Variants in PCDHGA2 observed in about 807,000 individuals in gnomAD.
PCDHGA2 encodes the protein protocadherin gamma-A2.
In PCDHGA2, 40 loss-of-function variants were observed where a neutral mutation model predicts 59.2. The ratio of observed to expected loss-of-function variants is 0.68; its 90% confidence interval spans 0.52 to 0.88. The LOEUF (loss-of-function observed/expected upper bound fraction) is 0.88. Among genes scored for constraint, PCDHGA2 ranks in the 40% least tolerant of loss-of-function variants. The pLI is 0.00. For missense variants in PCDHGA2, 1,226 were observed against 1,204.0 expected, an observed-to-expected ratio of 1.02 and a Z score of -0.27; for synonymous variants, 560 against 526.0, an observed-to-expected ratio of 1.06 and a Z score of -0.89.
intron 1 of PCDHGA2, chr5:141,403,027 G>C: frequency 1.2e-6 from 2 of 1,614,070 alleles, no homozygotes; most frequent in Non-Finnish European, 1.7e-6. Flanking sequence ...TGCTATGGGA[G>C]GCCAGGGCCA....
At chr5:141,430,635 T>C (rs1561846344) in intron 1 of PCDHGA2, 1 of 881,828 alleles carries the variant, frequency 1.1e-6, no homozygotes, top group African/African-American at 1.7e-5. Context: ...GAACCATCCC[T>C]GGGAGTATGT....
chr5:141,423,497 AG>A (rs1269176785), intron 1 of PCDHGA2: 1 of 1,613,940 alleles, frequency 6.2e-7, no homozygotes, highest in Non-Finnish European at 8.5e-7. Flanking sequence ...TATTCCCACG[AG>A]GTCTCTCTCA....
At chr5:141,362,275 C>A (rs757133043) in intron 1 of PCDHGA2, 3 of 1,613,924 alleles carry the variant, frequency 1.9e-6, no homozygotes, top group African/African-American at 1.3e-5. Flanking sequence ...AATCTCCCTG[C>A]GCCTGCGACT....
rs1208690061 is a variant in PCDHGA2 at position 141,362,188 on chromosome 5, C to G, written c.2424+20793C>G. The G allele has an allele frequency of 1.4e-5, 22 of 1,613,936 alleles. No homozygotes were observed. The East Asian group carries it at 4.9e-4, about 36-fold the overall frequency. ...CGACCGCCGGGAGCCCTCTGACCCC[C>G]AGGCAAAACTGCAGTTTTACCTGGT... is the stretch of plus-strand genomic sequence containing the variant. On this transcript the variant is annotated intron_variant, in intron 1 of 3. Transcript: ENST00000394576.
chr5:141,418,807 G>A (rs1400599346), intron 1 of PCDHGA2: 2 of 1,613,650 alleles, frequency 1.2e-6, no homozygotes, highest in African/African-American at 1.3e-5. Context: ...AAAGATATAC[G>A]ATAAACATAG....
intron 1 of PCDHGA2, chr5:141,355,996 G>C (rs1377286666): frequency 1.2e-6 from 2 of 1,613,764 alleles, no homozygotes; most frequent in Non-Finnish European, 1.7e-6. Flanking sequence ...CACCGTAAAA[G>C]CCACTGATCC....
chr5:141,355,069 G>A (rs1759706745), intron 1 of PCDHGA2: 1 of 1,342,004 alleles, frequency 7.5e-7, no homozygotes, highest in Non-Finnish European at 1.0e-6. Flanking sequence ...GGAGCTTTAT[G>A]AAAGCTTCAA....
At chr5:141,352,570 G>A (rs1390674555) in intron 1 of PCDHGA2, 3 of 1,613,938 alleles carry the variant, frequency 1.9e-6, no homozygotes, top group East Asian at 2.2e-5. Flanking sequence ...CACCGGAAAT[G>A]GCTCCCCCTC....
intron 1 of PCDHGA2, among the ~76,000 whole-genome samples, chr5:141,474,136 G>A (rs1383142266): frequency 1.3e-5 from 2 of 152,056 alleles, no homozygotes; most frequent in East Asian, 3.8e-4. Context: ...AAAACTACAG[G>A]CCTTATTATC....
At position 141,432,727 on chromosome 5, in the gene PCDHGA2, C is replaced by T; in HGVS notation, c.2425-62080C>T. 6.2e-7 allele frequency: 1 copy of T among 1,614,090 alleles called. No individual in the cohort carries two copies. Among genetic ancestry groups the T allele is most frequent in the Non-Finnish European group, 8.5e-7 (1 of 1,179,996 alleles). ...ACCACGGCCAGCCCCCTCTCTCCGC[C>T]ACTGTCACGCTCACCGTGGCCGTGG... On this transcript the variant is annotated intron_variant, in intron 1 of 3. Transcript: ENST00000394576. The surrounding 1 kb of genome is among the most constrained non-coding windows in gnomAD (Gnocchi z 6.0).
In PCDHGA2 at chr5:141,361,700, A is replaced by C; in HGVS notation, c.2424+20305A>C. The C allele has an allele frequency of 3.1e-6, 5 of 1,613,456 alleles. No individual in the cohort carries two copies. Among genetic ancestry groups the C allele is most frequent in the Non-Finnish European group, 4.2e-6 (5 of 1,179,872 alleles). On this transcript the variant is annotated intron_variant, in intron 1 of 3. Transcript: ENST00000394576. ...GTGTTCGCGCAGCGCGCCTTCGATCATGAGCAGCTGCGCGCCTTCGAGCTC... is the reference window on the plus strand; with the variant it reads ...GTGTTCGCGCAGCGCGCCTTCGATCCTGAGCAGCTGCGCGCCTTCGAGCTC...
intron 1 of PCDHGA2, chr5:141,387,783 C>A: frequency 6.8e-7 from 1 of 1,467,932 alleles, no homozygotes; most frequent in Non-Finnish European, 9.1e-7. Context: ...TGAACTGGAA[C>A]TGCAACTAAA....
At chr5:141,400,776 G>GT (rs1167512157) in intron 1 of PCDHGA2, 4 of 557,602 alleles carry the variant, frequency 7.2e-6, no homozygotes, top group Non-Finnish European at 1.3e-5. Flanking sequence ...CATTTGGTGC[G>GT]TTTTTTTGTC....
chr5:141,419,419 C>A (rs767018815), intron 1 of PCDHGA2: 1 of 1,613,384 alleles, frequency 6.2e-7, no homozygotes. Context: ...AGCGCGCCTT[C>A]GACCACGAGC....
intron 1 of PCDHGA2, chr5:141,412,602 T>G (rs1239898248): frequency 6.6e-6 from 1 of 152,188 alleles, no homozygotes; most frequent in African/African-American, 2.4e-5. Flanking sequence ...CTAAATAAAA[T>G]TGGCCTATTC....
chr5:141,381,979 G>T (rs767842302), intron 1 of PCDHGA2, among the ~76,000 whole-genome samples: 1 of 151,486 alleles, frequency 6.6e-6, no homozygotes, highest in African/African-American at 2.4e-5. Context: ...ACAGGCGCGC[G>T]CCACCACGCC....
At chr5:141,403,143 T>A in intron 1 of PCDHGA2, 1 of 1,613,850 alleles carries the variant, frequency 6.2e-7, no homozygotes, top group Non-Finnish European at 8.5e-7. Flanking sequence ...GAGCGCCGAG[T>A]CCGCATCGTC....
chr5:141,352,564 G>A (rs1356070450), intron 1 of PCDHGA2: 4 of 1,613,794 alleles, frequency 2.5e-6, no homozygotes, highest in African/African-American at 1.3e-5. Context: ...ACCTGACACC[G>A]GAAATGGCTC....
Position 141,338,937 on chromosome 5 carries a change from G to A in PCDHGA2, c.-35G>A, listed in dbSNP as rs779240802. ...AGATTGGAATCCGCACTGGATGCTG[G>A]AAGTTGACTCGGAGAAAATTGCGAC... is the stretch of plus-strand genomic sequence containing the variant. On this transcript the variant is annotated 5_prime_UTR_variant, in exon 1 of 4. Transcript: ENST00000394576. 22 of 1,522,400 alleles carry A rather than the reference G, an allele frequency of 1.4e-5. 1 individual carries two copies. The highest frequency in any genetic ancestry group is 1.9e-5 in the Non-Finnish European group (22 of 1,135,394). 94.3% of individuals were successfully genotyped at this position (1,522,400 alleles called of 1,614,324 possible).
Sources: allele counts gnomAD v4.1 joint callset (sites outside exome capture counted in the v4.1 genomes callset), GRCh38; gene constraint gnomAD v4.1.1; non-coding constraint Gnocchi (gnomAD v3.1); transcripts MANE v1.5; gene names NCBI Gene and HGNC (gene_info 2026-07-23, HGNC 2026-07-21).